The following GLMN variants were observed in gnomAD, a reference collection of about 807,000 sequenced individuals.
GLMN encodes the protein glomulin.
Under a neutral mutation model 87.8 loss-of-function variants are expected in GLMN, and 75 were observed. The ratio of observed to expected loss-of-function variants is 0.85; its 90% confidence interval spans 0.71 to 1.04. The LOEUF (loss-of-function observed/expected upper bound fraction) is 1.04, where lower values mean the gene tolerates loss of function less well. GLMN is among the 50% of genes least tolerant of loss of function. The probability of loss-of-function intolerance (pLI) is 0.00; values close to 1 mark genes in which losing one functional copy is unlikely to be tolerated. For synonymous variants in GLMN, 206 were observed against 221.6 expected, an observed-to-expected ratio of 0.93 and a Z score of 0.63; for missense variants, 588 against 658.8, an observed-to-expected ratio of 0.89 and a Z score of 1.18.
At chr1:92,314,538 T>C in the GLMN span, among the ~76,000 whole-genome samples, 1 of 152,022 alleles carries the variant, frequency 6.6e-6, no homozygotes, top group East Asian at 1.9e-4. Context: ...TCACTTGAGG[T>C]CAGGAGTTCA....
the GLMN span, among the ~76,000 whole-genome samples, chr1:92,312,287 C>T: frequency 6.6e-6 from 1 of 152,078 alleles, no homozygotes; most frequent in South Asian, 2.1e-4. Context: ...TGTGGTGGCA[C>T]ACAACTGTAG....
chr1:92,255,224 T>A (rs375962883), intron 16 of GLMN, among the ~76,000 whole-genome samples: 1 of 152,232 alleles, frequency 6.6e-6, no homozygotes, highest in South Asian at 2.1e-4. Context: ...CTTAAATATA[T>A]ATAAAGCCAA....
At chr1:92,333,599 G>T in the GLMN span, 2 of 673,044 alleles carry the variant, frequency 3.0e-6, no homozygotes, top group South Asian at 2.1e-5. Context: ...AAGTTCACAT[G>T]GATTTCTTCA....
At chr1:92,351,305 C>CAAAAAAAAAAAAA in the GLMN span, among the ~76,000 whole-genome samples, 68 of 86,840 alleles carry the variant, frequency 7.8e-4, 1 homozygote, top group African/African-American at 2.6e-3. Context: ...GACTCTGTCT[C>CAAAAAAAAAAAAA]AAAAAAAAAA....
intron 5 of GLMN, among the ~76,000 whole-genome samples, chr1:92,289,386 AG>A (rs1224170526): frequency 1.3e-5 from 2 of 152,208 alleles, no homozygotes; most frequent in Non-Finnish European, 2.9e-5. Flanking sequence ...TATGTGTAAC[AG>A]GCTATGTACT....
At chr1:92,352,030 G>A in the GLMN span, among the ~76,000 whole-genome samples, 1 of 152,022 alleles carries the variant, frequency 6.6e-6, no homozygotes, top group African/African-American at 2.4e-5. Flanking sequence ...AAAGGATAGA[G>A]GATAAAGTGA....
chr1:92,281,897 A>G (rs1179460594), intron 7 of GLMN, among the ~76,000 whole-genome samples: 1 of 152,244 alleles, frequency 6.6e-6, no homozygotes, highest in Non-Finnish European at 1.5e-5. Context: ...ATAATGGTAA[A>G]GGGATAAATT....
the GLMN span, chr1:92,307,077 G>A: frequency 9.7e-6 from 7 of 724,846 alleles, no homozygotes; most frequent in Admixed American, 1.9e-4. Context: ...TGGTAGATCT[G>A]TAGGTTTCCA....
At chr1:92,279,886 T>C (rs1268055507) in intron 7 of GLMN, among the ~76,000 whole-genome samples, 1 of 152,096 alleles carries the variant, frequency 6.6e-6, no homozygotes, top group East Asian at 1.9e-4. Flanking sequence ...CCTGCGAGGC[T>C]GCAGCTAGAC....
the GLMN span, among the ~76,000 whole-genome samples, chr1:92,335,906 C>T: frequency 6.6e-6 from 1 of 152,208 alleles, no homozygotes; most frequent in East Asian, 1.9e-4. Flanking sequence ...GGGTCAAACA[C>T]ATTTAAACTG....
chr1:92,295,367 TA>T (rs1001546862), intron 3 of GLMN, among the ~76,000 whole-genome samples: 1 of 152,040 alleles, frequency 6.6e-6, no homozygotes, highest in African/African-American at 2.4e-5. Flanking sequence ...TTTAGGTAAT[TA>T]AAGTCTCACA....
the GLMN span, chr1:92,323,431 C>T: frequency 2.7e-6 from 4 of 1,508,696 alleles, no homozygotes; most frequent in South Asian, 2.6e-5. Flanking sequence ...TTTTATTTCT[C>T]TTTCATTCTA....
chr1:92,253,681 G>A (rs1305718351), intron 16 of GLMN, among the ~76,000 whole-genome samples: 1 of 152,190 alleles, frequency 6.6e-6, no homozygotes, highest in African/African-American at 2.4e-5. Context: ...AGAGGGGCCT[G>A]ACTGTTAGAA....
chr1:92,298,785 T>C (rs1016483740), intron 1 of GLMN, 140 bp downstream of exon 1: 48 of 327,662 alleles, frequency 1.5e-4, no homozygotes, highest in African/African-American at 7.2e-4. Flanking sequence ...GAGGAAGCCA[T>C]GTCTTCCGAT....
At chr1:92,280,787 C>G (rs1176544149) in intron 7 of GLMN, among the ~76,000 whole-genome samples, 1 of 152,144 alleles carries the variant, frequency 6.6e-6, no homozygotes, top group African/African-American at 2.4e-5. Flanking sequence ...CCTGATGGAG[C>G]TGAAAACCAT....
Position 92,264,600 on chromosome 1 carries a change from G to T in GLMN, c.1253C>A (p.Ala418Asp). Residue 418 changes from alanine to aspartate, a missense_variant, in exon 14 of 19, where the codon GCT becomes GAT. By Grantham distance (126) the Ala-to-Asp change is moderately radical (BLOSUM62 -2). Coordinates refer to ENST00000370360, the MANE Select transcript of GLMN (RefSeq NM_053274.3). ...LNTSNHSGVE[A>D]FIIQNIKNQI... ...ATTTTTGATATTTTGAATAATAAAA[G>T]CCTCCACACCTGAGTGATTACTTGT... is the stretch of plus-strand genomic sequence containing the variant. 6.3e-7 allele frequency: 1 copy of T among 1,594,324 alleles called. No individual in the cohort carries two copies. Among genetic ancestry groups the T allele is most frequent in the Non-Finnish European group, 8.6e-7 (1 of 1,162,184 alleles).
At chr1:92,267,415 T>C (rs563819861) in intron 11 of GLMN, among the ~76,000 whole-genome samples, 52 of 152,304 alleles carry the variant, frequency 3.4e-4, no homozygotes, top group African/African-American at 1.2e-3. Flanking sequence ...ATTTGAAACT[T>C]AGTTCCGGCT....
intron 7 of GLMN, among the ~76,000 whole-genome samples, chr1:92,276,203 G>A (rs1647279401): frequency 1.3e-5 from 2 of 151,966 alleles, no homozygotes; most frequent in Admixed American, 1.3e-4. Context: ...TCCAGCCTAG[G>A]CCACAGAGCA....
chr1:92,338,187 G>A, the GLMN span, among the ~76,000 whole-genome samples: 2 of 152,012 alleles, frequency 1.3e-5, no homozygotes, highest in Admixed American at 6.6e-5. Flanking sequence ...GAAAGTGAAT[G>A]TTTAGGTAAT....
Sources: gnomAD v4.1 joint callset for allele counts (sites outside exome capture counted in the v4.1 genomes callset) on GRCh38, gnomAD v4.1.1 for gene constraint, MANE v1.5 for transcripts, NCBI Gene and HGNC (gene_info 2026-07-23, HGNC 2026-07-21) for gene names.